The following RAB40B variants were observed in gnomAD, a reference collection of about 807,000 sequenced individuals.
The protein encoded by RAB40B is ras-related protein Rab-40B.
In RAB40B, 21 loss-of-function variants were observed where a neutral mutation model predicts 24.0. That is an observed-to-expected ratio of 0.88 (90% CI 0.62 to 1.26). The LOEUF is 1.26. RAB40B is among the 50% of genes most tolerant of loss of function. RAB40B has a pLI of 0.00. For missense variants in RAB40B, 348 were observed against 390.5 expected (o/e 0.89, Z 0.92); for synonymous variants, 167 against 169.8 (o/e 0.98, Z 0.13).
At chr17:82,687,173 C>T (rs74532348) in intron 1 of RAB40B, among the ~76,000 whole-genome samples, 1 of 151,918 alleles carries the variant, frequency 6.6e-6, no homozygotes, top group Non-Finnish European at 1.5e-5. Context: ...CGTGAGTGTA[C>T]CACAGTGTTC....
intron 1 of RAB40B, among the ~76,000 whole-genome samples, chr17:82,679,532 C>A (rs1436624165): frequency 6.6e-6 from 1 of 152,156 alleles, no homozygotes; most frequent in Non-Finnish European, 1.5e-5. Flanking sequence ...CCGCCTTGGC[C>A]TCCCAAAGTG....
intron 1 of RAB40B, among the ~76,000 whole-genome samples, chr17:82,685,366 C>T (rs545610219): frequency 3.4e-5 from 5 of 147,256 alleles, no homozygotes; most frequent in South Asian, 2.1e-4. Context: ...CTCAACTGAA[C>T]GCAGATTCCT....
At chr17:82,661,095 T>C in intron 2 of RAB40B, 48 bp from the exon 3 acceptor site, 1 of 1,602,628 alleles carries the variant, frequency 6.2e-7, no homozygotes, top group East Asian at 2.2e-5. Context: ...TGCTTCTTCC[T>C]GACAACAGGT....
intron 4 of RAB40B, 36 bp from the exon 5 acceptor site, chr17:82,658,749 C>G (rs992531241): frequency 6.4e-7 from 1 of 1,560,034 alleles, no homozygotes; most frequent in Admixed American, 1.9e-5. Context: ...GCATGGGTTA[C>G]TTCAGTGAGA....
intron 1 of RAB40B, among the ~76,000 whole-genome samples, chr17:82,679,744 C>G (rs540920477): frequency 1.8e-4 from 3 of 16,330 alleles, no homozygotes; most frequent in African/African-American, 7.2e-4. Context: ...TCACCGAGCA[C>G]AGGGCAGGGG....
At chr17:82,689,721 CA>C (rs1321909203) in intron 1 of RAB40B, among the ~76,000 whole-genome samples, 1 of 152,158 alleles carries the variant, frequency 6.6e-6, no homozygotes, top group Non-Finnish European at 1.5e-5. Context: ...GTAATCCCAG[CA>C]CTTTCGGAGG....
intron 1 of RAB40B, among the ~76,000 whole-genome samples, chr17:82,679,257 CTTATTATTA>C (rs542700983): frequency 6.7e-4 from 101 of 150,228 alleles, no homozygotes; most frequent in Non-Finnish European, 1.3e-3. Context: ...CACCACAAGC[CTTATTATTA>C]TTATTATTAT....
rs2046088446 is a variant in RAB40B at position 82,656,631 on chromosome 17, T to A, written c.*1232A>T. ...TCAACAGGCGACAACAGTTCAAGGATTCAGCCTTGTTGCCAGTGTCGTGTA... is the reference window on the plus strand; with the variant it reads ...TCAACAGGCGACAACAGTTCAAGGAATCAGCCTTGTTGCCAGTGTCGTGTA... On this transcript the variant is annotated 3_prime_UTR_variant, in exon 6 of 6. Transcript: ENST00000571995. 1 of 152,274 alleles carries A rather than the reference T, an allele frequency of 6.6e-6. No individual in the cohort carries two copies. The allele number at this position is 152,274 out of a possible 1,614,324, so 9.4% of individuals were successfully genotyped here.
chr17:82,686,177 T>A (rs2046499525), intron 1 of RAB40B, among the ~76,000 whole-genome samples: 1 of 147,558 alleles, frequency 6.8e-6, no homozygotes, highest in Non-Finnish European at 1.5e-5. Flanking sequence ...AGTGGCACGA[T>A]CTCAGCTCAC....
intron 1 of RAB40B, among the ~76,000 whole-genome samples, chr17:82,695,047 C>T (rs1053324707): frequency 3.3e-5 from 5 of 151,676 alleles, no homozygotes; most frequent in South Asian, 2.1e-4. Context: ...TAAATCATTG[C>T]GGGCACTACA....
At chr17:82,679,710 G>A (rs1483778728) in intron 1 of RAB40B, among the ~76,000 whole-genome samples, 1 of 41,570 alleles carries the variant, frequency 2.4e-5, no homozygotes, top group South Asian at 5.4e-4. Flanking sequence ...CTGCTGCCCC[G>A]CCCAGTCACT....
chr17:82,677,090 A>T (rs1010249231), intron 1 of RAB40B, among the ~76,000 whole-genome samples: 2 of 151,786 alleles, frequency 1.3e-5, no homozygotes, highest in African/African-American at 4.8e-5. Flanking sequence ...CTGGGATTAC[A>T]GGCGCCCGCC....
chr17:82,662,580 C>G lies in RAB40B; in HGVS notation c.204-1533G>C, dbSNP rs1417799193. ...ACCCAGTTGTGGGCACCAGGAAGGA[C>G]CACACTCTGGGGTCCACACTCCGGG... On this transcript the variant is annotated intron_variant, in intron 2 of 5. Coordinates refer to ENST00000571995, the MANE Select transcript of RAB40B (RefSeq NM_006822.3). 1.2e-5 allele frequency: 12 copies of G among 985,050 alleles called. No individual in the cohort carries two copies. In the African/African-American group the frequency reaches 1.2e-4, roughly 10 times the overall value. The allele number at this position is 985,050 out of a possible 1,614,324, so 61.0% of individuals were successfully genotyped here. A position where few individuals can be genotyped will look rare whatever the true frequency, so the allele number is the denominator to read the frequency against.
intron 1 of RAB40B, among the ~76,000 whole-genome samples, chr17:82,684,731 C>T (rs1456835916): frequency 1.3e-5 from 2 of 152,096 alleles, no homozygotes; most frequent in Non-Finnish European, 2.9e-5. Context: ...TGGGGAGGGG[C>T]TGCCTACAAA....
At chr17:82,691,096 T>G (rs1446263984) in intron 1 of RAB40B, among the ~76,000 whole-genome samples, 4 of 152,166 alleles carry the variant, frequency 2.6e-5, no homozygotes. Context: ...CACCCCGGTG[T>G]GTCCACGCAC....
At chr17:82,680,685 G>A (rs2046440390) in intron 1 of RAB40B, among the ~76,000 whole-genome samples, 2 of 152,164 alleles carry the variant, frequency 1.3e-5, no homozygotes, top group South Asian at 4.2e-4. Context: ...AATGATATAT[G>A]TAATTTTAAC....
At chr17:82,664,271 G>A (rs2046223680) in intron 2 of RAB40B, among the ~76,000 whole-genome samples, 1 of 145,686 alleles carries the variant, frequency 6.9e-6, no homozygotes, top group South Asian at 2.2e-4. Context: ...GATGGTGGTG[G>A]GGGGAGGGTG....
At chr17:82,665,277 G>C (rs2046241187) in intron 1 of RAB40B, among the ~76,000 whole-genome samples, 1 of 148,642 alleles carries the variant, frequency 6.7e-6, no homozygotes, top group East Asian at 2.0e-4. Flanking sequence ...TTTTGAGACA[G>C]AGTTTCTCTC....
intron 1 of RAB40B, among the ~76,000 whole-genome samples, chr17:82,690,474 G>A (rs1172020825): frequency 7.0e-6 from 1 of 143,004 alleles, no homozygotes; most frequent in South Asian, 2.4e-4. Context: ...GGAGCATGGA[G>A]TGTGCACGTG....
Sources: allele counts gnomAD v4.1 joint callset (sites outside exome capture counted in the v4.1 genomes callset), GRCh38; gene constraint gnomAD v4.1.1; transcripts MANE v1.5; gene names NCBI Gene and HGNC (gene_info 2026-07-23, HGNC 2026-07-21).